VPS13D: variants seen among roughly 807,000 people sequenced by gnomAD.
The protein encoded by VPS13D is vacuolar protein sorting 13 homolog D, also known as intermembrane lipid transfer protein VPS13D.
VPS13D carries 187 observed loss-of-function variants against 461.9 expected under a neutral mutation model. The ratio of observed to expected loss-of-function variants is 0.40; its 90% CI spans 0.36 to 0.46. The LOEUF is 0.46. VPS13D is among the 20% of genes least tolerant of loss of function. The pLI, the probability that VPS13D is intolerant of heterozygous loss-of-function variation, is 0.60. For synonymous variants in VPS13D, 1,951 were observed against 1,986.3 expected (o/e 0.98, Z 0.47); for missense variants, 4,711 against 5,364.9 (o/e 0.88, Z 3.81).
At chr1:12,453,014 G>A (rs547040675) in intron 65 of VPS13D, among the ~76,000 whole-genome samples, 8 of 152,254 alleles carry the variant, frequency 5.3e-5, no homozygotes, top group East Asian at 3.9e-4. Context: ...TTCATCTTAC[G>A]GAAGAATCCA....
In VPS13D at chr1:12,379,604, GT is replaced by G; in HGVS notation, c.11190+13del. On this transcript the variant is annotated intron_variant, in intron 57 of 69. Transcript: ENST00000620676. Reference sequence around the variant, plus strand: ...CATGGGTTGGTCGTCCAGGTCAGTCGTTTTTGATCCCCAATTGCAGCAAGCA... The same window carrying G: ...CATGGGTTGGTCGTCCAGGTCAGTCGTTTTGATCCCCAATTGCAGCAAGCA... 1.2e-6 allele frequency: 2 copies of G among 1,607,418 alleles called. No individual in the cohort carries two copies. The highest frequency in any genetic ancestry group is 2.2e-5 in the East Asian group (1 of 44,666).
In VPS13D at chr1:12,401,685, C is replaced by T; in HGVS notation, c.11862C>T (p.Gly3954=). 1.2e-6 allele frequency: 2 copies of T among 1,613,168 alleles called. No homozygotes were observed. The highest frequency in any genetic ancestry group is 8.5e-7 in the Non-Finnish European group (1 of 1,179,270). The change falls in exon 62 of 70, where the codon GGC becomes GGT. Residue 3954 remains glycine, a synonymous_variant. Transcript: ENST00000620676. ...TCCTCAAGCTGCTAAGTTTCTTTGG[C>T]TACGATCAAGCAGAATCAGGTAATG... The part of the protein sequence containing the change: ...KLLLKLLSFF[G]YDQAESEVEK...
At chr1:12,239,676 G>C (rs186002310) in intron 2 of VPS13D, among the ~76,000 whole-genome samples, 68 of 152,260 alleles carry the variant, frequency 4.5e-4, no homozygotes, top group African/African-American at 1.6e-3. Flanking sequence ...TATAAGCTCC[G>C]AACCTTAGGT....
intron 68 of VPS13D, chr1:12,499,502 A>G: frequency 1.0e-6 from 1 of 985,458 alleles, no homozygotes; most frequent in Non-Finnish European, 1.2e-6. Flanking sequence ...TGGTACAGCC[A>G]ACATAGGACT....
chr1:12,456,527 A>G (rs1279229587), intron 66 of VPS13D, among the ~76,000 whole-genome samples: 1 of 150,188 alleles, frequency 6.7e-6, no homozygotes, highest in African/African-American at 2.5e-5. Flanking sequence ...AGTCCCAGCT[A>G]CTCGGGAGGC....
chr1:12,304,762 G>A, intron 26 of VPS13D, 34 bp downstream of exon 26: 1 of 1,607,742 alleles, frequency 6.2e-7, no homozygotes, highest in Non-Finnish European at 8.5e-7. Flanking sequence ...AATACTGAAG[G>A]TGGGGAAATT....
At chr1:12,371,996 G>A (rs1406991700) in intron 54 of VPS13D, among the ~76,000 whole-genome samples, 3 of 152,158 alleles carry the variant, frequency 2.0e-5, no homozygotes, top group East Asian at 3.8e-4. Context: ...TACCAACAGT[G>A]TAGAGAGGTT....
chr1:12,482,523 A>C (rs559297916), intron 67 of VPS13D, among the ~76,000 whole-genome samples: 1 of 152,360 alleles, frequency 6.6e-6, no homozygotes, highest in East Asian at 1.9e-4. Flanking sequence ...CTGAAAATAC[A>C]TACAATATAT....
intron 65 of VPS13D, among the ~76,000 whole-genome samples, chr1:12,431,644 C>T (rs1362275024): frequency 1.3e-5 from 2 of 151,558 alleles, no homozygotes; most frequent in Non-Finnish European, 2.9e-5. Context: ...CTAAGTCATA[C>T]TCGTCTTGGT....
chr1:12,314,217 T>C lies in VPS13D; in HGVS notation c.7038T>C (p.Tyr2346=). The change falls in exon 30 of 70, where the codon TAT becomes TAC. Residue 2346 remains tyrosine (Y), a synonymous_variant. Coordinates refer to ENST00000620676, the MANE Select transcript of VPS13D (RefSeq NM_015378.4). ...SHSMMAFDTR[Y]AGQKTSPGMT... ...CCATGATGGCTTTTGACACCCGTTATGCTGGGCAGAAGACCAGCCCTGGCA... is the reference window on the plus strand; with the variant it reads ...CCATGATGGCTTTTGACACCCGTTACGCTGGGCAGAAGACCAGCCCTGGCA... 6 of 1,614,204 alleles carry C rather than the reference T, an allele frequency of 3.7e-6. No homozygotes were observed. Among genetic ancestry groups the C allele is most frequent in the African/African-American group, 1.3e-5 (1 of 75,062 alleles).
At chr1:12,457,913 G>A (rs754048997) in intron 66 of VPS13D, among the ~76,000 whole-genome samples, 1 of 152,292 alleles carries the variant, frequency 6.6e-6, no homozygotes, top group African/African-American at 2.4e-5. Context: ...TTCTCGTAAT[G>A]GTAATGACAG....
chr1:12,306,760 A>G (rs1204193434), intron 26 of VPS13D, among the ~76,000 whole-genome samples: 1 of 152,136 alleles, frequency 6.6e-6, no homozygotes, highest in Non-Finnish European at 1.5e-5. Flanking sequence ...TTTTCCACAG[A>G]CAGGGTTGGG....
chr1:12,415,051 G>A, intron 63 of VPS13D, 36 bp from the exon 64 acceptor site: 12 of 1,610,734 alleles, frequency 7.5e-6, no homozygotes, highest in Non-Finnish European at 1.0e-5. Context: ...GCCATCATAT[G>A]ACTTAAGTAT....
intron 17 of VPS13D, among the ~76,000 whole-genome samples, chr1:12,271,963 G>A (rs1468367540): frequency 1.3e-5 from 2 of 151,890 alleles, no homozygotes; most frequent in Non-Finnish European, 2.9e-5. Context: ...AAGCGGAGGT[G>A]GGATGATCGT....
intron 27 of VPS13D, among the ~76,000 whole-genome samples, chr1:12,310,592 G>A (rs2101493865): frequency 6.6e-6 from 1 of 152,166 alleles, no homozygotes; most frequent in African/African-American, 2.4e-5. Context: ...ATGAAACACT[G>A]GTGTTTGCCT....
At chr1:12,445,433 C>A (rs1272989373) in intron 65 of VPS13D, among the ~76,000 whole-genome samples, 1 of 152,202 alleles carries the variant, frequency 6.6e-6, no homozygotes, top group Non-Finnish European at 1.5e-5. Flanking sequence ...ACTTTTCAGA[C>A]CTGAAATCAG....
At chr1:12,242,657 G>A in intron 3 of VPS13D, 67 bp downstream of exon 3, 3 of 1,398,682 alleles carry the variant, frequency 2.1e-6, no homozygotes, top group East Asian at 2.3e-5. Context: ...AAAACTGAGA[G>A]CCCTGGAGTT....
chr1:12,337,052 T>G (rs1643466241), intron 39 of VPS13D: 1 of 152,124 alleles, frequency 6.6e-6, no homozygotes, highest in South Asian at 2.1e-4. Context: ...CTGCCTCCCT[T>G]TCTTCCTTCC....
chr1:12,365,531 C>T (rs1041232957), intron 52 of VPS13D, among the ~76,000 whole-genome samples: 1 of 151,964 alleles, frequency 6.6e-6, no homozygotes, highest in Admixed American at 6.6e-5. Context: ...TGGTGAAACC[C>T]CATGTCTACT....
Sources: allele counts gnomAD v4.1 joint callset (sites outside exome capture counted in the v4.1 genomes callset), GRCh38; gene constraint gnomAD v4.1.1; transcripts MANE v1.5; gene names NCBI Gene and HGNC (gene_info 2026-07-23, HGNC 2026-07-21).